SPIDR: variants seen among roughly 807,000 people sequenced by gnomAD.
The protein encoded by SPIDR is DNA repair-scaffolding protein.
In SPIDR, 93 loss-of-function variants were observed where a neutral mutation model predicts 104.6. The observed-to-expected ratio is 0.89, with a 90% CI of 0.75 to 1.06. SPIDR has a LOEUF of 1.06. Ranked by LOEUF, SPIDR falls within the 50% of genes least tolerant of loss-of-function variation. The pLI, the probability that SPIDR is intolerant of heterozygous loss-of-function variation, is 0.00. For missense variants in SPIDR, 1,154 were observed against 1,111.2 expected (o/e 1.04, Z -0.55); for synonymous variants, 431 against 416.9 (o/e 1.03, Z -0.41).
chr8:47,538,857 C>CTTTTTTTT (rs1161571829), intron 8 of SPIDR, among the ~76,000 whole-genome samples: 8 of 100,864 alleles, frequency 7.9e-5, no homozygotes, highest in Non-Finnish European at 1.5e-4. Flanking sequence ...TTTTTCTTTT[C>CTTTTTTTT]TTTTTTTTTT....
intron 5 of SPIDR, among the ~76,000 whole-genome samples, chr8:47,343,101 T>G (rs2051116079): frequency 6.6e-6 from 1 of 152,182 alleles, no homozygotes; most frequent in Non-Finnish European, 1.5e-5. Context: ...TTGATGGTAT[T>G]TTTTCTTTTT....
chr8:47,588,033 ATATATATAT>A (rs1564407012), intron 8 of SPIDR, among the ~76,000 whole-genome samples: 1,226 of 23,288 alleles, frequency 0.053, 147 homozygotes, highest in Non-Finnish European at 0.068. Context: ...TAGCATATAT[ATATATATAT>A]ATATATATAT....
At chr8:47,512,038 A>G (rs1442187065) in intron 8 of SPIDR, 11 of 710,994 alleles carry the variant, frequency 1.5e-5, no homozygotes, top group Admixed American at 9.7e-5. Flanking sequence ...CGCTAGCGCA[A>G]TCTGCAAGTC....
At chr8:47,726,248 A>C (rs536663821) in intron 16 of SPIDR, among the ~76,000 whole-genome samples, 1 of 152,362 alleles carries the variant, frequency 6.6e-6, no homozygotes, top group South Asian at 2.1e-4. Flanking sequence ...TATGCATTGC[A>C]TGAATGCACT....
chr8:47,264,295 A>T (rs782440991), intron 1 of SPIDR, among the ~76,000 whole-genome samples: 1 of 152,226 alleles, frequency 6.6e-6, no homozygotes, highest in Non-Finnish European at 1.5e-5. Flanking sequence ...GAGGAAACCC[A>T]TGGTGATTCA....
chr8:47,305,360 A>G (rs376276810), intron 5 of SPIDR, among the ~76,000 whole-genome samples: 1 of 152,276 alleles, frequency 6.6e-6, no homozygotes, highest in Non-Finnish European at 1.5e-5. Flanking sequence ...TGGCTGGCAC[A>G]GATAAGAGAT....
At chr8:47,473,576 G>T (rs1554722152) in intron 8 of SPIDR, among the ~76,000 whole-genome samples, 1 of 152,060 alleles carries the variant, frequency 6.6e-6, no homozygotes, top group African/African-American at 2.4e-5. Context: ...GACATACTTG[G>T]TCCCTCTATT....
intron 5 of SPIDR, among the ~76,000 whole-genome samples, chr8:47,385,227 TTC>T (rs2059747719): frequency 6.6e-6 from 1 of 152,158 alleles, no homozygotes; most frequent in African/African-American, 2.4e-5. Context: ...TCTGTATGTG[TTC>T]TTCTGTATTT....
At chr8:47,700,584 T>TC in intron 12 of SPIDR, 94 bp downstream of exon 12, 1 of 1,253,834 alleles carries the variant, frequency 8.0e-7, no homozygotes, top group Non-Finnish European at 1.2e-6. Context: ...ATGGTCTGTG[T>TC]CCCCTGCTCC....
At position 47,284,012 on chromosome 8, in the gene SPIDR, A is replaced by G; in HGVS notation, c.190-16A>G. The G allele has an allele frequency of 6.3e-7, 1 of 1,589,766 alleles. No individual in the cohort carries two copies. The highest frequency in any genetic ancestry group is 8.6e-7 in the Non-Finnish European group (1 of 1,168,918). The stretch of plus-strand genomic sequence containing the variant: ...CATTTGTCACATAAATTCCATGATT[A>G]TTATTTTGCCTACAGTCATTAACAG... On this transcript the variant is annotated splice_polypyrimidine_tract_variant and intron_variant, in intron 2 of 19. Transcript: ENST00000297423.
intron 4 of SPIDR, among the ~76,000 whole-genome samples, chr8:47,293,125 C>G (rs1163570072): frequency 6.6e-6 from 1 of 152,010 alleles, no homozygotes; most frequent in Non-Finnish European, 1.5e-5. Context: ...CTGTTATGAT[C>G]ATTATAGTGG....
chr8:47,293,890 G>C lies in SPIDR; in HGVS notation c.385G>C (p.Glu129Gln), dbSNP rs2040381492. The change falls in exon 5 of 20, where the codon GAG becomes CAG. Residue 129 changes from glutamate to glutamine, a missense_variant. Glu to Gln is a conservative substitution (Grantham distance 29, BLOSUM62 2). Coordinates refer to ENST00000297423, the MANE Select transcript of SPIDR (RefSeq NM_001080394.4). Reference protein sequence around the residue: ...QRDELQFIDWEIDSDRAEASD... With the variant: ...QRDELQFIDWQIDSDRAEASD... The stretch of plus-strand genomic sequence containing the variant: ...AGATGAATTACAGTTTATCGACTGG[G>C]AGATTGACAGTGACAGGGCAGAGGC... The C allele has an allele frequency of 4.3e-6, 7 of 1,610,526 alleles. No homozygotes were observed. In the East Asian group the frequency reaches 8.9e-5, roughly 21 times the overall value.
At chr8:47,684,309 G>A (rs950199621) in intron 11 of SPIDR, among the ~76,000 whole-genome samples, 3 of 151,950 alleles carry the variant, frequency 2.0e-5, no homozygotes, top group Admixed American at 6.6e-5. Context: ...CAGTATAACC[G>A]AGTTAGCTCT....
intron 3 of SPIDR, among the ~76,000 whole-genome samples, chr8:47,288,563 G>A (rs1361820429): frequency 1.1e-4 from 17 of 152,190 alleles, no homozygotes; most frequent in Non-Finnish European, 1.9e-4. Flanking sequence ...GATTACAGGC[G>A]TGAGCCACCG....
intron 7 of SPIDR, among the ~76,000 whole-genome samples, chr8:47,422,949 T>C (rs1324502675): frequency 6.6e-6 from 1 of 152,158 alleles, no homozygotes; most frequent in Non-Finnish European, 1.5e-5. Flanking sequence ...CATTTCAGTA[T>C]AAAAGACATA....
At chr8:47,688,784 T>G (rs572826249) in intron 11 of SPIDR, among the ~76,000 whole-genome samples, 22 of 152,338 alleles carry the variant, frequency 1.4e-4, no homozygotes, top group Admixed American at 1.4e-3. Context: ...TCAGCCTCCA[T>G]TTCTGTTAGC....
chr8:47,690,538 G>T (rs976801470), intron 11 of SPIDR, among the ~76,000 whole-genome samples: 1 of 151,708 alleles, frequency 6.6e-6, no homozygotes, highest in African/African-American at 2.4e-5. Flanking sequence ...AAACTAGCAG[G>T]CTGGGCACGG....
chr8:47,687,254 A>T (rs2077945340), intron 11 of SPIDR, among the ~76,000 whole-genome samples: 1 of 151,864 alleles, frequency 6.6e-6, no homozygotes, highest in Non-Finnish European at 1.5e-5. Flanking sequence ...CTGTTAACAG[A>T]ATTAACATAA....
chr8:47,598,870 G>T, intron 9 of SPIDR, 76 bp from the exon 10 acceptor site: 1 of 1,570,122 alleles, frequency 6.4e-7, no homozygotes, highest in Non-Finnish European at 8.7e-7. Flanking sequence ...TATTTGGTGT[G>T]CAGCATGTTG....
Sources: gnomAD v4.1 joint callset for allele counts (sites outside exome capture counted in the v4.1 genomes callset) on GRCh38, gnomAD v4.1.1 for gene constraint, MANE v1.5 for transcripts, NCBI Gene and HGNC (gene_info 2026-07-23, HGNC 2026-07-21) for gene names.